Variants in HP observed in about 807,000 individuals in gnomAD.
HP encodes the protein haptoglobin alpha(1S)-beta.
HP carries 9 observed loss-of-function variants against 23.2 expected under a neutral mutation model. That is an observed-to-expected ratio of 0.39 (90% CI 0.23 to 0.68). The LOEUF (loss-of-function observed/expected upper bound fraction) is 0.68. HP is among the 30% of genes least tolerant of loss of function. The pLI, the probability that HP is intolerant of heterozygous loss-of-function variation, is 0.47. For synonymous variants in HP, 155 were observed against 183.3 expected, an observed-to-expected ratio of 0.85 and a Z score of 1.25; for missense variants, 433 against 483.6, an observed-to-expected ratio of 0.90 and a Z score of 0.98.
At chr16:72,054,781 C>T (rs1275330493) in intron 1 of HP, 124 bp downstream of exon 1, 5 of 1,514,052 alleles carry the variant, frequency 3.3e-6, no homozygotes, top group Non-Finnish European at 4.5e-6. Flanking sequence ...TATAGTGAAC[C>T]AAAGGGCTTA....
At chr16:72,056,422 G>C (rs2041463941) in intron 2 of HP, 108 bp from the exon 3 acceptor site, 25 of 1,571,758 alleles carry the variant, frequency 1.6e-5, no homozygotes, top group Non-Finnish European at 2.2e-5. Flanking sequence ...CTTCTATTCG[G>C]GGTGGAAGGA....
chr16:72,058,382 C>A, intron 5 of HP, 27 bp downstream of exon 5: 1 of 518,598 alleles, frequency 1.9e-6, no homozygotes, highest in Admixed American at 4.5e-5. Context: ...TGTCTCCATG[C>A]CCTACATACA....
rs2041479492 is a variant in HP at position 72,057,654 on chromosome 16, G to T, written c.265+188G>T. 2 of 773,676 alleles carry T rather than the reference G, an allele frequency of 2.6e-6. 1 individual carries two copies. Among genetic ancestry groups the T allele is most frequent in the South Asian group, 3.2e-5 (2 of 62,556 alleles). The allele number at this position is 773,676 out of a possible 1,614,324, so 47.9% of individuals were successfully genotyped here. A position where few individuals can be genotyped will look rare whatever the true frequency, so the allele number is the denominator to read the frequency against. ...GATGACTCCCTAAGGGTCACCAAGG[G>T]TCTTGTTCATTGGGGCCTGAAGGGC... On this transcript the variant is annotated intron_variant, in intron 4 of 6. Transcript: ENST00000355906.
In HP at chr16:72,059,134, G is replaced by A. The variant is rs200877317; in HGVS notation, c.388G>A (p.Glu130Lys). The change falls in exon 6 of 7, where the codon GAG becomes AAG. Residue 130 changes from glutamate to lysine, a missense_variant. Physicochemically the swap from Glu to Lys is moderately conservative, Grantham distance 56. Around this residue, in one of 3 missense-constraint regions of HP, gnomAD observed 326 missense variants for 358.1 expected, o/e 0.91. Transcript: ENST00000355906. ...TTCAGGAGTGTACACCTTAAACAAT[G>A]AGAAGCAGTGGATAAATAAGGCTGT... The part of the protein sequence containing the change: ...EGDGVYTLNN[E>K]KQWINKAVGD... 4.5e-5 allele frequency: 71 copies of A among 1,565,000 alleles called. 9 individuals carry two copies. Among genetic ancestry groups the A allele is most frequent in the African/African-American group, 7.8e-5 (5 of 64,120 alleles).
chr16:72,055,349 A>C (rs927388778), intron 1 of HP: 1 of 156,488 alleles, frequency 6.4e-6, no homozygotes, highest in African/African-American at 2.4e-5. Flanking sequence ...CATGTTGGCC[A>C]GGATGACCTC....
intron 5 of HP, 81 bp from the exon 6 acceptor site, chr16:72,059,033 C>T: frequency 7.3e-7 from 1 of 1,369,070 alleles, no homozygotes; most frequent in East Asian, 2.3e-5. Flanking sequence ...CCTTTTAGTT[C>T]TTCTCTTTAA....
At chr16:72,056,042 G>A (rs2041453952) in intron 1 of HP, 119 bp from the exon 2 acceptor site, 1 of 1,465,456 alleles carries the variant, frequency 6.8e-7, no homozygotes, top group South Asian at 1.2e-5. Context: ...CTAAGTGGGA[G>A]GAGTGTGTGT....
rs1310093932 is a variant in HP at position 72,056,572 on chromosome 16, TG to T, written c.133del (p.Glu45SerfsTer24). ...CCCCCCGAGATTGCACATGGCTATG[TG>T]GAGCACTCGGTTCGCTACCAGTGTA... ...PKPPEIAHGY[V>X]EHSVRYQCKN... On this transcript the variant is annotated frameshift_variant, in exon 3 of 7. Transcript: ENST00000355906. LOFTEE classifies it high-confidence loss of function. 5 of 1,459,050 alleles carry T rather than the reference TG, an allele frequency of 3.4e-6. No individual in the cohort carries two copies. The highest frequency in any genetic ancestry group is 4.6e-6 in the Non-Finnish European group (5 of 1,075,474). 90.4% of individuals were successfully genotyped at this position (1,459,050 alleles called of 1,614,324 possible).
Position 72,060,818 on chromosome 16 carries a change from G to C in HP, c.1149G>C (p.Val383=), listed in dbSNP as rs1261131844. 1 of 1,613,580 alleles carries C rather than the reference G, an allele frequency of 6.2e-7. No individual in the cohort carries two copies. The highest frequency in any genetic ancestry group is 8.5e-7 in the Non-Finnish European group (1 of 1,179,734). ...GILSFDKSCA[V]AEYGVYVKVT... is the part of the protein sequence containing the mutation. ...TAAGCTTTGATAAGAGCTGTGCTGT[G>C]GCTGAGTATGGTGTGTATGTGAAGG... is the stretch of plus-strand genomic sequence containing the variant. Residue 383 remains valine (V), a synonymous_variant, in exon 7 of 7, where the codon GTG becomes GTC. Transcript: ENST00000355906.
intron 1 of HP, 117 bp from the exon 2 acceptor site, chr16:72,056,044 A>C: frequency 5.5e-6 from 8 of 1,461,138 alleles, no homozygotes; most frequent in Non-Finnish European, 7.6e-6. Context: ...AAGTGGGAGG[A>C]GTGTGTGTGT....
At chr16:72,059,909 G>A in intron 6 of HP, 1 of 1,272,624 alleles carries the variant, frequency 7.9e-7, no homozygotes, top group Non-Finnish European at 1.1e-6. Flanking sequence ...GGGAAATAGA[G>A]CTTTTTGTAA....
chr16:72,054,591 C>A lies in HP; in HGVS notation c.-62C>A, dbSNP rs753792211. On this transcript the variant is annotated 5_prime_UTR_variant, in exon 1 of 7. Coordinates refer to ENST00000355906, the MANE Select transcript of HP (RefSeq NM_005143.5). ...AGAAGGGGGAGAAGTGAGCTAGTGG[C>A]AGCATAAAAAGACCAGCAGATGCCC... is the stretch of plus-strand genomic sequence containing the variant. The A allele has an allele frequency of 1.3e-6, 2 of 1,597,374 alleles. No homozygotes were observed. The highest frequency in any genetic ancestry group is 1.7e-6 in the Non-Finnish European group (2 of 1,171,158).
chr16:72,060,289 A>G lies in HP; in HGVS notation c.620A>G (p.Asn207Ser), dbSNP rs761396788. The G allele has an allele frequency of 6.2e-6, 10 of 1,614,112 alleles. No homozygotes were observed. The South Asian group carries it at 9.9e-5, about 16-fold the overall frequency. ...LLTTAKNLFL[N>S]HSENATAKDI... is the part of the protein sequence containing the mutation. The stretch of plus-strand genomic sequence containing the variant: ...ACCACGGCTAAAAATCTCTTCCTGA[A>G]CCATTCAGAAAATGCAACAGCGAAA... The change falls in exon 7 of 7, where the codon AAC (asparagine) becomes AGC (serine). Residue 207 changes from asparagine (N) to serine (S), a missense_variant. Physicochemically the swap from Asn to Ser is conservative, Grantham distance 46. Coordinates refer to ENST00000355906, the MANE Select transcript of HP (RefSeq NM_005143.5).
Position 72,060,522 on chromosome 16 carries a change from G to A in HP, c.853G>A (p.Gly285Arg), listed in dbSNP as rs1265754670. ...GCGTGTGGGTTATGTTTCTGGCTGG[G>A]GGCGAAATGCCAATTTTAAATTTAC... is the stretch of plus-strand genomic sequence containing the variant. ...VGRVGYVSGW[G>R]RNANFKFTDH... Residue 285 changes from glycine (G) to arginine (R), a missense_variant, in exon 7 of 7, where the codon GGG becomes AGG. Transcript: ENST00000355906. 8.7e-6 allele frequency: 14 copies of A among 1,614,016 alleles called. No homozygotes were observed. Among genetic ancestry groups the A allele is most frequent in the African/African-American group, 2.7e-5 (2 of 74,914 alleles).
chr16:72,060,429 CAGA>C lies in HP; in HGVS notation c.763_765del (p.Lys255del), dbSNP rs1567585252. ...AGATATTGGGCTCATCAAACTCAAACAGAAGGTGTCTGTTAATGAGAGAGTGAT... is the reference window on the plus strand; with the variant it reads ...AGATATTGGGCTCATCAAACTCAAACAGGTGTCTGTTAATGAGAGAGTGAT... On this transcript the variant is annotated inframe_deletion, in exon 7 of 7. Transcript: ENST00000355906. The C allele has an allele frequency of 6.2e-7, 1 of 1,614,168 alleles. No individual in the cohort carries two copies. Among genetic ancestry groups the C allele is most frequent in the Admixed American group, 1.7e-5 (1 of 60,036 alleles).
At chr16:72,056,401 C>T in intron 2 of HP, 129 bp from the exon 3 acceptor site, 13 of 1,579,580 alleles carry the variant, frequency 8.2e-6, no homozygotes, top group Admixed American at 1.9e-5. Flanking sequence ...GGGAGCTTGC[C>T]TTTCCATTGG....
Position 72,060,243 on chromosome 16 carries a change from A to C in HP, c.574A>C (p.Ile192Leu). 6.2e-7 allele frequency: 1 copy of C among 1,614,186 alleles called. No individual in the cohort carries two copies. The highest frequency in any genetic ancestry group is 8.5e-7 in the Non-Finnish European group (1 of 1,180,040). Reference sequence around the variant, plus strand: ...TAATCTCACCACAGGTGCCACGCTGATCAATGAACAATGGCTGCTGACCAC... The same window carrying C: ...TAATCTCACCACAGGTGCCACGCTGCTCAATGAACAATGGCTGCTGACCAC... ...HHNLTTGATL[I>L]NEQWLLTTAK... Residue 192 changes from isoleucine (I) to leucine (L), a missense_variant, in exon 7 of 7, where the codon ATC (isoleucine) becomes CTC (leucine). This residue lies in a region of HP where 326 missense variants were observed against 358.1 expected (regional missense o/e 0.91). Transcript: ENST00000355906.
intron 1 of HP, 194 bp from the exon 2 acceptor site, chr16:72,055,967 T>C: frequency 2.1e-6 from 2 of 957,602 alleles, no homozygotes; most frequent in African/African-American, 1.6e-5. Flanking sequence ...AAAGTGTGTA[T>C]GGGCAGGTGT....
At chr16:72,060,013 C>T in intron 6 of HP, 99 bp from the exon 7 acceptor site, 1 of 1,566,888 alleles carries the variant, frequency 6.4e-7, no homozygotes, top group Non-Finnish European at 8.7e-7. Flanking sequence ...AATCTTTCTA[C>T]TTTACGCAGC....
Sources: gnomAD v4.1 joint callset for allele counts on GRCh38, gnomAD v4.1.1 for gene constraint, gnomAD v4.1.1 regional missense constraint, MANE v1.5 for transcripts, NCBI Gene and HGNC (gene_info 2026-07-23, HGNC 2026-07-21) for gene names.